The following LRCH2 variants were observed in gnomAD, a reference collection of about 807,000 sequenced individuals.
LRCH2 encodes leucine rich repeats and calponin homology domain containing 2, also known as leucine-rich repeat and calponin homology domain-containing protein 2.
A neutral mutation model predicts 68.9 loss-of-function variants in LRCH2; 38 were observed. The ratio of observed to expected loss-of-function variants is 0.55; its 90% CI spans 0.43 to 0.72. The LOEUF (loss-of-function observed/expected upper bound fraction) is 0.72, where lower values mean the gene tolerates loss of function less well. LRCH2 is among the 30% of genes least tolerant of loss of function. The pLI is 0.00. For synonymous variants in LRCH2, 191 were observed against 208.1 expected (o/e 0.92, Z 0.71); for missense variants, 528 against 572.9 (o/e 0.92, Z 0.80).
intron 6 of LRCH2, among the ~76,000 whole-genome samples, chrX:115,168,419 A>G (rs1385176586): frequency 5.4e-5 from 6 of 111,905 alleles, no homozygotes; most frequent in African/African-American, 1.9e-4. Context: ...CACTATACAC[A>G]TAAAGTACAT....
Position 115,130,112 on chromosome X carries a change from T to G in LRCH2, c.1740+43A>C, listed in dbSNP as rs782505263. 1.3e-5 allele frequency: 10 copies of G among 791,855 alleles called. No homozygotes were observed. In the Admixed American group the frequency reaches 3.7e-4, roughly 29 times the overall value. The allele number at this position is 791,855 out of a possible 1,213,427, so 65.3% of individuals were successfully genotyped here. ...CTCTCACTGAGCCAACTTCATATGA[T>G]AAGTAAACATTTCAAATAATTATTA... On this transcript the variant is annotated intron_variant, in intron 15 of 20. Coordinates refer to ENST00000317135, the MANE Select transcript of LRCH2 (RefSeq NM_020871.4).
intron 14 of LRCH2, 140 bp downstream of exon 14, chrX:115,149,687 C>A: frequency 2.5e-6 from 1 of 404,235 alleles, no homozygotes; most frequent in Non-Finnish European, 4.3e-6. Context: ...ATTGTATTAC[C>A]CCATATATGT....
chrX:115,214,141 T>A (rs1373118253), intron 1 of LRCH2, among the ~76,000 whole-genome samples: 1 of 112,414 alleles, frequency 8.9e-6, no homozygotes, highest in East Asian at 2.8e-4. Flanking sequence ...TAACTATTAT[T>A]ACTCAAATTT....
At chrX:115,164,877 G>T (rs962544418) in intron 10 of LRCH2, among the ~76,000 whole-genome samples, 2 of 110,743 alleles carry the variant, frequency 1.8e-5, no homozygotes, top group Non-Finnish European at 3.8e-5. Context: ...AAAAAATGTG[G>T]TAGGTCATAT....
At chrX:115,137,388 A>C (rs1432860918) in intron 14 of LRCH2, among the ~76,000 whole-genome samples, 2 of 110,029 alleles carry the variant, frequency 1.8e-5, no homozygotes, top group Non-Finnish European at 1.9e-5. Context: ...AAATTTAGAC[A>C]CAGCAGAATA....
intron 6 of LRCH2, among the ~76,000 whole-genome samples, chrX:115,168,646 A>G (rs1160985198): frequency 9.0e-6 from 1 of 111,226 alleles, no homozygotes; most frequent in African/African-American, 3.3e-5. Context: ...TCTCCAAAAT[A>G]TATCTTAATT....
intron 12 of LRCH2, among the ~76,000 whole-genome samples, chrX:115,152,753 A>C (rs1556538575): frequency 9.0e-6 from 1 of 111,459 alleles, no homozygotes. Context: ...CACAAATTCA[A>C]GAAGCTCAAT....
intron 14 of LRCH2, among the ~76,000 whole-genome samples, chrX:115,134,814 A>G (rs781883531): frequency 0.012 from 12 of 978 alleles, no homozygotes; most frequent in African/African-American, 0.036. Flanking sequence ...ATCAACTTTC[A>G]AGTCTTACTA....
intron 17 of LRCH2, 104 bp downstream of exon 17, chrX:115,123,841 G>C (rs1263573666): frequency 2.2e-6 from 1 of 451,637 alleles, no homozygotes; most frequent in Non-Finnish European, 3.5e-6. Context: ...TAGGAGAGGG[G>C]AAAGAATCTA....
At chrX:115,223,062 G>T (rs781795102) in intron 1 of LRCH2, among the ~76,000 whole-genome samples, 1 of 111,150 alleles carries the variant, frequency 9.0e-6, no homozygotes, top group South Asian at 3.8e-4. Flanking sequence ...TTAAACAAGG[G>T]TCACAAGACA....
chrX:115,198,625 A>G, intron 1 of LRCH2: 1 of 162,880 alleles, frequency 6.1e-6, no homozygotes, highest in Non-Finnish European at 1.4e-5. Flanking sequence ...AAGGTCTCCA[A>G]GGACAAACAA....
At chrX:115,122,920 C>G in intron 18 of LRCH2, 23 bp from the exon 19 acceptor site, 2 of 1,170,785 alleles carry the variant, frequency 1.7e-6, no homozygotes, top group Non-Finnish European at 2.3e-6. Context: ...AGGTATAAAT[C>G]AGATACTCTA....
At chrX:115,228,121 G>A (rs1259391776) in intron 1 of LRCH2, among the ~76,000 whole-genome samples, 1 of 112,034 alleles carries the variant, frequency 8.9e-6, no homozygotes, top group Non-Finnish European at 1.9e-5. Context: ...ATTACAGTTT[G>A]ACCTTTAGCA....
intron 20 of LRCH2, among the ~76,000 whole-genome samples, chrX:115,114,679 C>T (rs182888546): frequency 3.2e-4 from 35 of 110,521 alleles, no homozygotes; most frequent in African/African-American, 1.1e-3. Flanking sequence ...AGATATTCTA[C>T]AAATACCAAA....
intron 14 of LRCH2, among the ~76,000 whole-genome samples, chrX:115,149,334 C>T (rs1603040888): frequency 9.0e-6 from 1 of 111,454 alleles, no homozygotes; most frequent in African/African-American, 3.2e-5. Context: ...TTTGGATGAT[C>T]TGAGCTTTTC....
intron 16 of LRCH2, chrX:115,126,547 C>A (rs1372879431): frequency 5.9e-6 from 1 of 168,377 alleles, no homozygotes; most frequent in African/African-American, 3.0e-5. Flanking sequence ...AAAGTGAATT[C>A]TTTTCTGCAA....
intron 5 of LRCH2, among the ~76,000 whole-genome samples, chrX:115,172,752 A>ATTTTT (rs35680669): frequency 1.2e-5 from 1 of 82,764 alleles, no homozygotes; most frequent in African/African-American, 4.5e-5. Context: ...CTTACTTTCT[A>ATTTTT]TTTTTTTTTT....
rs782659874 is a variant in LRCH2, at chrX:115,170,339, A to C, written c.958T>G (p.Ser320Ala). The C allele has an allele frequency of 3.4e-6, 4 of 1,180,046 alleles. No homozygotes were observed. In the South Asian group the frequency reaches 7.7e-5, roughly 23 times the overall value. ...DKKPDSLDLP[S>A]LSKRMPSQPL... ...TGTGAGGGCATTCGTTTACTCAATG[A>C]TGGAAGATCCAGGGAATCTGGTTTC... Residue 320 changes from serine (S) to alanine (A), a missense_variant, in exon 6 of 21, where the codon TCA (serine) becomes GCA (alanine). Transcript: ENST00000317135.
intron 1 of LRCH2, among the ~76,000 whole-genome samples, chrX:115,208,748 G>A (rs2072986632): frequency 9.0e-6 from 1 of 111,662 alleles, no homozygotes. Flanking sequence ...GTGTATAAAC[G>A]GGTAGAGAGA....
Sources: gnomAD v4.1 joint callset for allele counts (sites outside exome capture counted in the v4.1 genomes callset) on GRCh38, gnomAD v4.1.1 for gene constraint, MANE v1.5 for transcripts, NCBI Gene and HGNC (gene_info 2026-07-23, HGNC 2026-07-21) for gene names.